Variants in ECEL1 observed in about 807,000 individuals in gnomAD.
The protein encoded by ECEL1 is endothelin converting enzyme like 1.
Under a neutral mutation model 101.8 loss-of-function variants are expected in ECEL1, and 87 were observed. The observed-to-expected ratio is 0.85, with a 90% confidence interval of 0.72 to 1.02. ECEL1 has a LOEUF of 1.02. Ranked by LOEUF, ECEL1 falls within the 50% of genes least tolerant of loss-of-function variation. The pLI, the probability that ECEL1 is intolerant of heterozygous loss-of-function variation, is 0.00. For synonymous variants in ECEL1, 487 were observed against 468.7 expected (o/e 1.04, Z -0.50); for missense variants, 1,032 against 1,079.2 (o/e 0.96, Z 0.61).
At position 232,485,072 on chromosome 2, in the gene ECEL1, AC is replaced by A; in HGVS notation, c.874del (p.Val292CysfsTer51). 1.9e-6 allele frequency: 3 copies of A among 1,611,740 alleles called. No homozygotes were observed. The highest frequency in any genetic ancestry group is 2.5e-6 in the Non-Finnish European group (3 of 1,179,966). On this transcript the variant is annotated frameshift_variant, in exon 4 of 18. Coordinates refer to ENST00000304546, the MANE Select transcript of ECEL1 (RefSeq NM_004826.4). LOFTEE classifies it high-confidence loss of function. ...DSEKILAAYR[V>X]FMERVLSLLG... is the part of the protein sequence containing the mutation. ...GAGGCTGAGCACTCGCTCCATGAAC[AC>A]CCTGTATGCTGCCAGGATCTGCACC...
intron 8 of ECEL1, 95 bp downstream of exon 8, chr2:232,483,321 C>A (rs951069257): frequency 1.3e-6 from 2 of 1,545,970 alleles, no homozygotes; most frequent in Non-Finnish European, 1.8e-6. Flanking sequence ...GTCAACTCCA[C>A]GAAGGCCTCT....
At chr2:232,487,056 C>T (rs1690747567) in intron 1 of ECEL1, among the ~76,000 whole-genome samples, 1 of 152,234 alleles carries the variant, frequency 6.6e-6, no homozygotes, top group Admixed American at 6.5e-5. Flanking sequence ...GGTCGTCCCT[C>T]TTCCCCTTCG....
rs759759456 is a variant in ECEL1 at position 232,481,084 on chromosome 2, C to T, written c.2055+7G>A. ...CAGCAGGGGTGGAGCACAGGCAGGC[C>T]GCTCACGTGGTAGGCCAGCTTGAGG... On this transcript the variant is annotated splice_region_variant and intron_variant, in intron 15 of 17. Coordinates refer to ENST00000304546, the MANE Select transcript of ECEL1 (RefSeq NM_004826.4). 28 of 1,556,560 alleles carry T rather than the reference C, an allele frequency of 1.8e-5. No homozygotes were observed. Among genetic ancestry groups the T allele is most frequent in the South Asian group, 3.6e-5 (3 of 84,414 alleles).
In ECEL1 at chr2:232,481,127, G is replaced by A; in HGVS notation, c.2019C>T (p.Asn673=). 2 of 1,569,618 alleles carry A rather than the reference G, an allele frequency of 1.3e-6. No individual in the cohort carries two copies. The highest frequency in any genetic ancestry group is 1.7e-6 in the Non-Finnish European group (2 of 1,157,172). Reference sequence around the variant, plus strand: ...GCTTGAGGCCGCCCATATCTGCGATGTTCTCCCCAAGCGTGTGTTTCCCGT... The same window carrying A: ...GCTTGAGGCCGCCCATATCTGCGATATTCTCCCCAAGCGTGTGTTTCCCGT... ...RVNGKHTLGE[N]IADMGGLKLA... Residue 673 remains asparagine (N), a synonymous_variant, in exon 15 of 18, where the codon AAC becomes AAT. Transcript: ENST00000304546.
rs1311354070 is a variant in ECEL1, at chr2:232,486,427, A to G, written c.227T>C (p.Leu76Pro). Residue 76 changes from leucine (L) to proline (P), a missense_variant, in exon 2 of 18, where the codon CTG (leucine) becomes CCG (proline). Coordinates refer to ENST00000304546, the MANE Select transcript of ECEL1 (RefSeq NM_004826.4). ...GTACTTGAGGGCCAGCATAGCCGCC[A>G]GAATGGCGCAGAGGCCGGCGGCGAA... Reference protein sequence around the residue: ...LVFAAGLCAILAAMLALKYLG... With the variant: ...LVFAAGLCAIPAAMLALKYLG... 4 of 1,458,612 alleles carry G rather than the reference A, an allele frequency of 2.7e-6. No individual in the cohort carries two copies. The highest frequency in any genetic ancestry group is 1.5e-5 in the African/African-American group (1 of 66,746). The allele number at this position is 1,458,612 out of a possible 1,614,324, so 90.4% of individuals were successfully genotyped here.
chr2:232,486,660 G>A lies in ECEL1; in HGVS notation c.-7C>T, dbSNP rs746766267. ...GCGAATACGGGGGCTCCATGGCGCC[G>A]AGGCCGCCGCGGTGCAGACCTGGGC... On this transcript the variant is annotated 5_prime_UTR_variant, in exon 2 of 18. Transcript: ENST00000304546. 7.7e-5 allele frequency: 117 copies of A among 1,523,710 alleles called. No individual in the cohort carries two copies. Among genetic ancestry groups the A allele is most frequent in the Non-Finnish European group, 9.9e-5 (113 of 1,146,234 alleles). 94.4% of individuals were successfully genotyped at this position (1,523,710 alleles called of 1,614,324 possible).
intron 1 of ECEL1, among the ~76,000 whole-genome samples, chr2:232,487,376 G>T (rs62193766): frequency 6.6e-6 from 1 of 152,094 alleles, no homozygotes; most frequent in African/African-American, 2.4e-5. Context: ...CCACTGGACG[G>T]CCCTGATGGA....
intron 10 of ECEL1, 42 bp from the exon 11 acceptor site, chr2:232,482,650 TC>T: frequency 1.9e-6 from 3 of 1,577,354 alleles, no homozygotes; most frequent in Non-Finnish European, 1.7e-6. Flanking sequence ...ACACACTCCC[TC>T]CCCCGCTACC....
chr2:232,486,270 C>G lies in ECEL1; in HGVS notation c.384G>C (p.Ser128=). Residue 128 remains serine (S), a synonymous_variant, in exon 2 of 18, where the codon TCG becomes TCC. Coordinates refer to ENST00000304546, the MANE Select transcript of ECEL1 (RefSeq NM_004826.4). ...ASIDPCQDFY[S]FACGGWLRRH... ...GCCGCAGCCAACCGCCGCAGGCGAACGAGTAGAAGTCCTGGCATGGGTCGA... is the reference window on the plus strand; with the variant it reads ...GCCGCAGCCAACCGCCGCAGGCGAAGGAGTAGAAGTCCTGGCATGGGTCGA... The G allele has an allele frequency of 3.1e-6, 5 of 1,600,690 alleles. No individual in the cohort carries two copies. Among genetic ancestry groups the G allele is most frequent in the Non-Finnish European group, 4.2e-6 (5 of 1,178,272 alleles).
Position 232,481,581 on chromosome 2 carries a change from G to T in ECEL1, c.1914C>A (p.Ala638=). 6.2e-7 allele frequency: 1 copy of T among 1,613,838 alleles called. No individual in the cohort carries two copies. The highest frequency in any genetic ancestry group is 8.5e-7 in the Non-Finnish European group (1 of 1,180,016). ...SGNLLHWWTE[A]SYSRFLRKAE... Reference sequence around the variant, plus strand: ...CCTTTCGCAGGAAGCGGCTGTAGGAGGCCTCCGTCCACCAGTGCAGCAGGT... The same window carrying T: ...CCTTTCGCAGGAAGCGGCTGTAGGATGCCTCCGTCCACCAGTGCAGCAGGT... Residue 638 remains alanine (A), a synonymous_variant, in exon 14 of 18, where the codon GCC becomes GCA. Coordinates refer to ENST00000304546, the MANE Select transcript of ECEL1 (RefSeq NM_004826.4).
rs1690540980 is a variant in ECEL1, at chr2:232,480,226, T to C, written c.2255A>G (p.Glu752Gly). The C allele has an allele frequency of 6.2e-7, 1 of 1,613,736 alleles. No homozygotes were observed. Among genetic ancestry groups the C allele is most frequent in the African/African-American group, 1.3e-5 (1 of 74,812 alleles). The change falls in exon 18 of 18, where the codon GAG becomes GGG. Residue 752 changes from glutamate to glycine, a missense_variant. Transcript: ENST00000304546. ...YRVLGSVSQF[E>G]EFGRAFHCPK... ...ACAGTGGAAAGCCCGGCCAAACTCC[T>C]CAAACTGGGACACACTGCCCAGCAC...
rs1184780729 is a variant in ECEL1, at chr2:232,486,256, C to T, written c.398G>A (p.Gly133Asp). 1 of 1,601,328 alleles carries T rather than the reference C, an allele frequency of 6.2e-7. No homozygotes were observed. Among genetic ancestry groups the T allele is most frequent in the South Asian group, 1.1e-5 (1 of 90,680 alleles). The change falls in exon 2 of 18, where the codon GGT becomes GAT. Residue 133 changes from glycine to aspartate, a missense_variant. Physicochemically the swap from Gly to Asp is moderately conservative, Grantham distance 94. Transcript: ENST00000304546. ...GGGGATGGCGTGGCGCCGCAGCCAA[C>T]CGCCGCAGGCGAACGAGTAGAAGTC... ...CQDFYSFACG[G>D]WLRRHAIPDD...
Position 232,481,129 on chromosome 2 carries a change from TCTC to T in ECEL1, c.2014_2016del (p.Glu672del). The T allele has an allele frequency of 6.4e-7, 1 of 1,569,316 alleles. No homozygotes were observed. ...TTGAGGCCGCCCATATCTGCGATGT[TCTC>T]CCCAAGCGTGTGTTTCCCGTTCACC... On this transcript the variant is annotated inframe_deletion, in exon 15 of 18. Coordinates refer to ENST00000304546, the MANE Select transcript of ECEL1 (RefSeq NM_004826.4).
At chr2:232,481,742 C>A in intron 13 of ECEL1, 40 bp downstream of exon 13, 4 of 1,612,702 alleles carry the variant, frequency 2.5e-6, no homozygotes, top group Non-Finnish European at 3.4e-6. Flanking sequence ...GCCTGTCCTG[C>A]CCCCTCCGGG....
Position 232,480,106 on chromosome 2 carries a change from G to A in ECEL1, c.*47C>T. The A allele has an allele frequency of 1.3e-6, 2 of 1,588,254 alleles. No individual in the cohort carries two copies. The highest frequency in any genetic ancestry group is 1.7e-5 in the Admixed American group (1 of 59,604). On this transcript the variant is annotated 3_prime_UTR_variant, in exon 18 of 18. Coordinates refer to ENST00000304546, the MANE Select transcript of ECEL1 (RefSeq NM_004826.4). ...ATGCCTGCCCCGGTAGCCAGCAGGA[G>A]GTGATTCGTGCGGGGGCAGTGGGGG...
Position 232,480,460 on chromosome 2 carries a change from G to A in ECEL1, c.2167C>T (p.Arg723Trp), listed in dbSNP as rs781027133. 15 of 1,613,830 alleles carry A rather than the reference G, an allele frequency of 9.3e-6. No homozygotes were observed. Among genetic ancestry groups the A allele is most frequent in the Admixed American group, 8.3e-5 (5 of 60,004 alleles). The change falls in exon 17 of 18, where the codon CGG becomes TGG. Residue 723 changes from arginine to tryptophan, a missense_variant. By Grantham distance (101) the Arg-to-Trp change is moderately radical. Transcript: ENST00000304546. ...TGCAGGTAGATGGACTGCGACCGCC[G>A]CTTGATGCACCAGTTCTGGGTCCAG... ...IAFAQNWCIK[R>W]RSQSIYLQVL...
intron 5 of ECEL1, 42 bp from the exon 6 acceptor site, chr2:232,484,638 G>C: frequency 6.2e-7 from 1 of 1,610,776 alleles, no homozygotes; most frequent in Non-Finnish European, 8.5e-7. Flanking sequence ...AGGGTTGGCA[G>C]GGGCCACAGA....
rs764595495 is a variant in ECEL1 at position 232,483,506 on chromosome 2, C to T, written c.1416G>A (p.Gln472=). 1.2e-6 allele frequency: 2 copies of T among 1,607,830 alleles called. No individual in the cohort carries two copies. The highest frequency in any genetic ancestry group is 2.7e-5 in the African/African-American group (2 of 74,778). Residue 472 remains glutamine, a synonymous_variant, in exon 8 of 18, where the codon CAG becomes CAA. Transcript: ENST00000304546. ...GGATGTACTTGATGTCTTCCACTAG[C>T]TGCTGCACCTGCAGGGTCAGGGGTC... is the stretch of plus-strand genomic sequence containing the variant. ...FSAASKAKVQ[Q]LVEDIKYILG... is the part of the protein sequence containing the mutation.
rs1690547062 is a variant in ECEL1, at chr2:232,480,428, C to T, written c.2199G>A (p.Leu733=). 2 of 1,613,890 alleles carry T rather than the reference C, an allele frequency of 1.2e-6. No individual in the cohort carries two copies. Among genetic ancestry groups the T allele is most frequent in the Non-Finnish European group, 1.7e-6 (2 of 1,180,010 alleles). Residue 733 remains leucine, a synonymous_variant, in exon 17 of 18, where the codon CTG becomes CTA. Transcript: ENST00000304546. ...RRSQSIYLQV[L]TDKHAPEHYR... Reference sequence around the variant, plus strand: ...AGTGCTCAGGGGCATGCTTGTCAGTCAGCACCTGCAGGTAGATGGACTGCG... The same window carrying T: ...AGTGCTCAGGGGCATGCTTGTCAGTTAGCACCTGCAGGTAGATGGACTGCG...
Sources: allele counts gnomAD v4.1 joint callset (sites outside exome capture counted in the v4.1 genomes callset), GRCh38; gene constraint gnomAD v4.1.1; transcripts MANE v1.5; gene names NCBI Gene and HGNC (gene_info 2026-07-23, HGNC 2026-07-21).